The following SEMA5B variants were observed in gnomAD, a reference collection of about 807,000 sequenced individuals.
SEMA5B encodes semaphorin-5B.
A neutral mutation model predicts 135.0 loss-of-function variants in SEMA5B; 66 were observed. The ratio of observed to expected loss-of-function variants is 0.49; its 90% CI spans 0.40 to 0.60. The LOEUF (loss-of-function observed/expected upper bound fraction) is 0.60. Among genes scored for constraint, SEMA5B ranks in the 20% least tolerant of loss-of-function variants. The probability of loss-of-function intolerance (pLI) is 0.00; values close to 1 mark genes in which losing one functional copy is unlikely to be tolerated. For missense variants in SEMA5B, 1,501 were observed against 1,566.3 expected, an observed-to-expected ratio of 0.96 and a Z score of 0.70; for synonymous variants, 690 against 639.5, an observed-to-expected ratio of 1.08 and a Z score of -1.19.
At chr3:122,923,447 T>C (rs7619187) in intron 10 of SEMA5B, among the ~76,000 whole-genome samples, 170 bp downstream of exon 10, 17,261 of 152,098 alleles carry the variant, frequency 0.11, 1,156 homozygotes, top group African/African-American at 0.19. Flanking sequence ...CCCTCACAGT[T>C]GTAGAGGCTA....
chr3:122,987,970 C>T (rs1277515180), intron 1 of SEMA5B, among the ~76,000 whole-genome samples: 1 of 151,932 alleles, frequency 6.6e-6, no homozygotes. Context: ...AATGCTGAGA[C>T]CAGCCATAGA....
At chr3:123,017,294 A>G (rs747160799) in intron 1 of SEMA5B, among the ~76,000 whole-genome samples, 10 of 152,080 alleles carry the variant, frequency 6.6e-5, no homozygotes, top group Non-Finnish European at 1.5e-4. Flanking sequence ...TTAAGTAATG[A>G]GCTCATTTAA....
intron 2 of SEMA5B, among the ~76,000 whole-genome samples, chr3:122,956,463 G>A (rs1398511924): frequency 1.3e-5 from 2 of 152,204 alleles, no homozygotes; most frequent in Admixed American, 6.5e-5. Context: ...TGAAATTGGC[G>A]AGTGACAGTG....
intron 2 of SEMA5B, among the ~76,000 whole-genome samples, chr3:122,954,832 C>T (rs1357720169): frequency 1.5e-4 from 22 of 150,094 alleles, no homozygotes; most frequent in African/African-American, 2.0e-4. Context: ...CTCACTTTGC[C>T]GCCTAGGCTG....
chr3:122,935,351 C>A (rs1481729249), intron 5 of SEMA5B, among the ~76,000 whole-genome samples: 2 of 151,388 alleles, frequency 1.3e-5, no homozygotes, highest in Non-Finnish European at 2.9e-5. Flanking sequence ...AGTAGACTTT[C>A]GTCTGATCAC....
intron 5 of SEMA5B, among the ~76,000 whole-genome samples, chr3:122,930,582 C>T (rs766216536): frequency 2.0e-5 from 3 of 152,216 alleles, no homozygotes; most frequent in Non-Finnish European, 2.9e-5. Flanking sequence ...GGCGGCTCTG[C>T]GAGGACCGCA....
chr3:122,964,004 G>C (rs1940706043), intron 1 of SEMA5B, among the ~76,000 whole-genome samples: 2 of 152,024 alleles, frequency 1.3e-5, no homozygotes, highest in Middle Eastern at 3.4e-3. Flanking sequence ...TGCCCCACTA[G>C]CTCCGCAGAT....
intron 4 of SEMA5B, among the ~76,000 whole-genome samples, 193 bp from the exon 5 acceptor site, chr3:122,939,663 C>A (rs934135985): frequency 6.6e-6 from 1 of 152,264 alleles, no homozygotes; most frequent in Non-Finnish European, 1.5e-5. Context: ...CCAGGAAGCT[C>A]CAAGTTACAG....
intron 1 of SEMA5B, among the ~76,000 whole-genome samples, chr3:123,024,071 T>G (rs1403245063): frequency 2.6e-5 from 4 of 152,226 alleles, no homozygotes; most frequent in Non-Finnish European, 5.9e-5. Context: ...TCAGGGATCT[T>G]GTCTTTTTGT....
chr3:122,913,484 C>G, intron 16 of SEMA5B, 50 bp downstream of exon 16: 1 of 1,575,202 alleles, frequency 6.3e-7, no homozygotes, highest in Non-Finnish European at 8.6e-7. Context: ...GCCCTCCCCT[C>G]GGCTCCAGTA....
chr3:123,009,076 C>T (rs1284297629), intron 1 of SEMA5B, among the ~76,000 whole-genome samples: 2 of 152,222 alleles, frequency 1.3e-5, no homozygotes. Flanking sequence ...AGACACGGAC[C>T]CGGTGGACCC....
chr3:122,986,842 A>G (rs1039382708), intron 1 of SEMA5B, among the ~76,000 whole-genome samples: 7 of 152,134 alleles, frequency 4.6e-5, no homozygotes, highest in African/African-American at 1.7e-4. Context: ...TCTTTCCCAA[A>G]CTTTGCTGCA....
intron 5 of SEMA5B, 128 bp from the exon 6 acceptor site, chr3:122,929,186 G>T: frequency 1.2e-6 from 1 of 847,612 alleles, no homozygotes; most frequent in Non-Finnish European, 1.9e-6. Flanking sequence ...TGGTCTGCAG[G>T]GTGAGGGCTC....
At chr3:122,928,703 CA>C (rs1408218924) in intron 6 of SEMA5B, 88 bp from the exon 7 acceptor site, 33 of 1,011,236 alleles carry the variant, frequency 3.3e-5, no homozygotes, top group Admixed American at 8.7e-5. Flanking sequence ...TCATGGATGC[CA>C]ACAAGTATTC....
chr3:122,962,001 T>G (rs553792705), intron 1 of SEMA5B, among the ~76,000 whole-genome samples: 2 of 152,344 alleles, frequency 1.3e-5, no homozygotes, highest in Admixed American at 1.3e-4. Context: ...GCCTCTCCCG[T>G]GGACCACAGC....
intron 12 of SEMA5B, 146 bp from the exon 13 acceptor site, chr3:122,916,036 T>G: frequency 1.5e-6 from 1 of 649,894 alleles, no homozygotes; most frequent in Non-Finnish European, 2.8e-6. Flanking sequence ...GGGCCTTTAC[T>G]GTGTGTAAGG....
intron 5 of SEMA5B, among the ~76,000 whole-genome samples, chr3:122,939,203 C>T (rs1672011239): frequency 6.6e-6 from 1 of 152,248 alleles, no homozygotes; most frequent in African/African-American, 2.4e-5. Flanking sequence ...ATGCAAGAGC[C>T]TTGTGTGCCT....
chr3:122,977,572 T>C (rs1486267752), intron 1 of SEMA5B, among the ~76,000 whole-genome samples: 1 of 152,188 alleles, frequency 6.6e-6, no homozygotes, highest in Non-Finnish European at 1.5e-5. Flanking sequence ...ACTACAGCTC[T>C]ACCTAGCCAG....
At chr3:123,026,540 G>C (rs921222975) in intron 1 of SEMA5B, among the ~76,000 whole-genome samples, 1 of 152,114 alleles carries the variant, frequency 6.6e-6, no homozygotes, top group Non-Finnish European at 1.5e-5. Context: ...AGTCGGCTCC[G>C]TTGGGCCGGG....
Sources: gnomAD v4.1 joint callset for allele counts (sites outside exome capture counted in the v4.1 genomes callset) on GRCh38, gnomAD v4.1.1 for gene constraint, MANE v1.5 for transcripts, NCBI Gene and HGNC (gene_info 2026-07-23, HGNC 2026-07-21) for gene names.